The following TMEFF2 variants were observed in gnomAD, a reference collection of about 807,000 sequenced individuals.
The protein encoded by TMEFF2 is tomoregulin-2.
TMEFF2 carries 28 observed loss-of-function variants against 53.8 expected under a neutral mutation model. The observed-to-expected ratio is 0.52, with a 90% CI of 0.39 to 0.71. The LOEUF (loss-of-function observed/expected upper bound fraction) is 0.71, where lower values mean the gene tolerates loss of function less well. Ranked by LOEUF, TMEFF2 falls within the 30% of genes least tolerant of loss-of-function variation. The pLI is 0.00. For missense variants in TMEFF2, 353 were observed against 455.2 expected (o/e 0.78, Z 2.04); for synonymous variants, 162 against 166.3 (o/e 0.97, Z 0.20).
chr2:192,054,685 T>C (rs1476827202), intron 5 of TMEFF2, among the ~76,000 whole-genome samples: 1 of 152,198 alleles, frequency 6.6e-6, no homozygotes, highest in Admixed American at 6.5e-5. Flanking sequence ...GCCTGCAATC[T>C]GGCCATCTCA....
intron 7 of TMEFF2, among the ~76,000 whole-genome samples, chr2:191,962,064 C>T (rs1180438120): frequency 1.3e-5 from 2 of 152,184 alleles, no homozygotes; most frequent in African/African-American, 2.4e-5. Flanking sequence ...CCAGTCATAA[C>T]ATTCTTGTTA....
chr2:192,062,213 TA>T (rs1168617842), intron 4 of TMEFF2, among the ~76,000 whole-genome samples: 2 of 152,164 alleles, frequency 1.3e-5, no homozygotes, highest in African/African-American at 4.8e-5. Context: ...AGATTAGTTT[TA>T]ACTATTCTAG....
intron 7 of TMEFF2, among the ~76,000 whole-genome samples, chr2:191,984,922 TAAA>T (rs1301454983): frequency 6.6e-6 from 1 of 152,078 alleles, no homozygotes; most frequent in Non-Finnish European, 1.5e-5. Context: ...ATCTAATTTT[TAAA>T]AATATTACCC....
intron 4 of TMEFF2, among the ~76,000 whole-genome samples, chr2:192,170,541 TCAGA>T (rs1306677798): frequency 6.6e-5 from 10 of 151,892 alleles, no homozygotes; most frequent in Non-Finnish European, 8.8e-5. Context: ...AGCAATCCAG[TCAGA>T]CAAATTACAG....
At chr2:192,162,617 C>T (rs775889236) in intron 4 of TMEFF2, among the ~76,000 whole-genome samples, 5 of 151,998 alleles carry the variant, frequency 3.3e-5, no homozygotes, top group Non-Finnish European at 7.4e-5. Context: ...ATATGAGCGC[C>T]CCCTACTGGT....
chr2:192,152,165 T>C (rs1690403401), intron 4 of TMEFF2, among the ~76,000 whole-genome samples: 1 of 151,942 alleles, frequency 6.6e-6, no homozygotes, highest in South Asian at 2.1e-4. Context: ...ATAACTCAAG[T>C]AATCCATACT....
At chr2:192,192,046 A>G in intron 1 of TMEFF2, 57 bp from the exon 2 acceptor site, 2 of 1,232,598 alleles carry the variant, frequency 1.6e-6, no homozygotes, top group Non-Finnish European at 2.4e-6. Context: ...TTTTAACAAA[A>G]AAAAGCACTA....
chr2:191,956,239 C>T lies in TMEFF2; in HGVS notation c.869+16G>A, dbSNP rs535108011. On this transcript the variant is annotated intron_variant, in intron 8 of 9. Coordinates refer to ENST00000272771, the MANE Select transcript of TMEFF2 (RefSeq NM_016192.4). ...TAACTTTATACATTAACTATTCTTG[C>T]GAGTAAAAATGTTACCTGCAAGATG... 97 of 1,597,860 alleles carry T rather than the reference C, an allele frequency of 6.1e-5. No individual in the cohort carries two copies. In the Admixed American group the frequency reaches 1.3e-3, roughly 21 times the overall value.
At chr2:192,103,809 T>C (rs1283709317) in intron 4 of TMEFF2, among the ~76,000 whole-genome samples, 2 of 151,860 alleles carry the variant, frequency 1.3e-5, no homozygotes, top group African/African-American at 2.4e-5. Context: ...AGAGATGCCA[T>C]AGCCTTGAGG....
chr2:192,088,483 G>T (rs967125607), intron 4 of TMEFF2, among the ~76,000 whole-genome samples: 1 of 152,128 alleles, frequency 6.6e-6, no homozygotes, highest in Admixed American at 6.6e-5. Flanking sequence ...CAGAAGCAAT[G>T]AGCAACACTT....
chr2:192,112,883 G>A (rs1327984660), intron 4 of TMEFF2, among the ~76,000 whole-genome samples: 1 of 152,104 alleles, frequency 6.6e-6, no homozygotes, highest in African/African-American at 2.4e-5. Flanking sequence ...ATTCTCTCCT[G>A]TCTGCTGCCA....
At chr2:192,052,683 T>C (rs565682710) in intron 5 of TMEFF2, among the ~76,000 whole-genome samples, 5 of 152,308 alleles carry the variant, frequency 3.3e-5, no homozygotes, top group African/African-American at 1.2e-4. Context: ...TATTTGAGAA[T>C]CCCTTTTATG....
At chr2:192,072,431 GA>G (rs931716487) in intron 4 of TMEFF2, among the ~76,000 whole-genome samples, 19 of 151,358 alleles carry the variant, frequency 1.3e-4, no homozygotes, top group Non-Finnish European at 2.5e-4. Context: ...CCCAAAAGGG[GA>G]AAAAAAAGCA....
intron 4 of TMEFF2, among the ~76,000 whole-genome samples, chr2:192,140,421 GAAT>G (rs1574409450): frequency 6.6e-6 from 1 of 152,172 alleles, no homozygotes; most frequent in East Asian, 1.9e-4. Flanking sequence ...TGAATTATAG[GAAT>G]GTGGTGTCCG....
Position 192,160,264 on chromosome 2 carries a change from T to A in TMEFF2, c.439+19404A>T, listed in dbSNP as rs182297184. On this transcript the variant is annotated intron_variant, in intron 4 of 9. Transcript: ENST00000272771. ...TAAGTTGCTGGGTGAGTCCTATTAA[T>A]ACTGTGTATCAACATTTGGTTTGGC... Among the ~76,000 whole-genome samples, 348 of 152,288 alleles carry A rather than the reference T, an allele frequency of 2.3e-3. 1 individual carries two copies. The highest frequency in any genetic ancestry group is 4.2e-3 in the Non-Finnish European group (289 of 68,024).
In TMEFF2 at chr2:191,982,393, A is replaced by AAGGG. The variant is rs1230826225; in HGVS notation, c.745+15865_745+15868dup. ...TTAGTGTATAGCAACAACTAGAACCAAGGGTGCATTAAATCTCAGTTCTGA... is the reference window on the plus strand; with the variant it reads ...TTAGTGTATAGCAACAACTAGAACCAAGGGAGGGTGCATTAAATCTCAGTTCTGA... On this transcript the variant is annotated intron_variant, in intron 7 of 9. Coordinates refer to ENST00000272771, the MANE Select transcript of TMEFF2 (RefSeq NM_016192.4). Among the ~76,000 whole-genome samples, 5 of 152,204 alleles carry AAGGG rather than the reference A, an allele frequency of 3.3e-5. No homozygotes were observed. The East Asian group carries it at 9.6e-4, about 29-fold the overall frequency.
At chr2:192,126,791 C>T (rs1275230078) in intron 4 of TMEFF2, among the ~76,000 whole-genome samples, 2 of 152,132 alleles carry the variant, frequency 1.3e-5, no homozygotes, top group Non-Finnish European at 2.9e-5. Context: ...AACTCCAAAA[C>T]CTGTCCTTCT....
chr2:192,143,354 A>G (rs924305730), intron 4 of TMEFF2, among the ~76,000 whole-genome samples: 1 of 152,080 alleles, frequency 6.6e-6, no homozygotes, highest in African/African-American at 2.4e-5. Flanking sequence ...TGACACACCA[A>G]TTGCTTCTGG....
At chr2:192,167,208 T>C (rs997099750) in intron 4 of TMEFF2, among the ~76,000 whole-genome samples, 4 of 152,142 alleles carry the variant, frequency 2.6e-5, no homozygotes, top group Non-Finnish European at 4.4e-5. Flanking sequence ...AAACCTATTT[T>C]TCCTAATAAA....
Sources: gnomAD v4.1 joint callset for allele counts (sites outside exome capture counted in the v4.1 genomes callset) on GRCh38, gnomAD v4.1.1 for gene constraint, MANE v1.5 for transcripts, NCBI Gene and HGNC (gene_info 2026-07-23, HGNC 2026-07-21) for gene names.